VANGL1: variants seen among roughly 807,000 people sequenced by gnomAD.
The protein encoded by VANGL1 is VANGL planar cell polarity protein 1.
In VANGL1, 18 loss-of-function variants were observed where a neutral mutation model predicts 48.4. The ratio of observed to expected loss-of-function variants is 0.37; its 90% CI spans 0.26 to 0.55. The LOEUF (loss-of-function observed/expected upper bound fraction) is 0.55. VANGL1 is among the 20% of genes least tolerant of loss of function. The pLI, the probability that VANGL1 is intolerant of heterozygous loss-of-function variation, is 0.81. For synonymous variants in VANGL1, 257 were observed against 261.8 expected (o/e 0.98, Z 0.18); for missense variants, 667 against 675.8 (o/e 0.99, Z 0.14).
At position 115,694,104 on chromosome 1, in the gene VANGL1, A is replaced by G. The variant is rs959171241; in HGVS notation, c.*2725A>G. Reference sequence around the variant, plus strand: ...GAAGATAGGACAGTTTTTATAGTCCATGAACTGAATGTTAAAAAGTTCTGT... The same window carrying G: ...GAAGATAGGACAGTTTTTATAGTCCGTGAACTGAATGTTAAAAAGTTCTGT... On this transcript the variant is annotated 3_prime_UTR_variant, in exon 8 of 8. Coordinates refer to ENST00000355485, the MANE Select transcript of VANGL1 (RefSeq NM_138959.3). 1 of 152,250 alleles carries G rather than the reference A, an allele frequency of 6.6e-6. No individual in the cohort carries two copies. The highest frequency in any genetic ancestry group is 1.5e-5 in the Non-Finnish European group (1 of 68,046). 9.4% of individuals were successfully genotyped at this position (152,250 alleles called of 1,614,324 possible). A position where few individuals can be genotyped will look rare whatever the true frequency, so the allele number is the denominator to read the frequency against.
rs1653911267 is a variant in VANGL1 at position 115,693,211 on chromosome 1, T to C, written c.*1832T>C. 1 of 152,572 alleles carries C rather than the reference T, an allele frequency of 6.6e-6. No individual in the cohort carries two copies. Among genetic ancestry groups the C allele is most frequent in the Non-Finnish European group, 1.5e-5 (1 of 68,012 alleles). 9.5% of individuals were successfully genotyped at this position (152,572 alleles called of 1,614,324 possible). ...GGAACCATGGTGCTTTTGTTCTTAG[T>C]TTTTGCCGTTAGATCCCTTCAAACT... On this transcript the variant is annotated 3_prime_UTR_variant, in exon 8 of 8. Coordinates refer to ENST00000355485, the MANE Select transcript of VANGL1 (RefSeq NM_138959.3).
intron 3 of VANGL1, among the ~76,000 whole-genome samples, chr1:115,663,444 C>G (rs1652644255): frequency 6.6e-6 from 1 of 152,202 alleles, no homozygotes; most frequent in South Asian, 2.1e-4. Flanking sequence ...ATTATGTTTT[C>G]TCTGTTTGAA....
intron 4 of VANGL1, among the ~76,000 whole-genome samples, chr1:115,674,218 G>A (rs1653084853): frequency 6.6e-6 from 1 of 152,172 alleles, no homozygotes; most frequent in South Asian, 2.1e-4. Context: ...TAACAGCCCA[G>A]CTTTGCCCCC....
chr1:115,679,008 A>G (rs1653274594), intron 4 of VANGL1, among the ~76,000 whole-genome samples: 1 of 151,864 alleles, frequency 6.6e-6, no homozygotes, highest in South Asian at 2.1e-4. Flanking sequence ...TGTCACAACC[A>G]TTTTATTTAA....
chr1:115,680,632 CAG>C (rs1653349197), intron 4 of VANGL1, among the ~76,000 whole-genome samples: 1 of 152,176 alleles, frequency 6.6e-6, no homozygotes. Context: ...GGATATAACT[CAG>C]AAAGTTTTAC....
chr1:115,681,010 A>G (rs1236797873), intron 4 of VANGL1, among the ~76,000 whole-genome samples: 1 of 152,242 alleles, frequency 6.6e-6, no homozygotes, highest in Non-Finnish European at 1.5e-5. Flanking sequence ...ACGCTGTTAC[A>G]CAGAGTCCGC....
chr1:115,645,322 A>G (rs1217935374), intron 1 of VANGL1, among the ~76,000 whole-genome samples: 2 of 152,224 alleles, frequency 1.3e-5, no homozygotes. Context: ...GTTATATGCC[A>G]TACAACCCCT....
chr1:115,647,217 C>T (rs1302388529), intron 1 of VANGL1, among the ~76,000 whole-genome samples: 1 of 151,916 alleles, frequency 6.6e-6, no homozygotes, highest in African/African-American at 2.4e-5. Context: ...GTATGATAGA[C>T]AGTTCCAGGT....
chr1:115,688,114 C>T lies in VANGL1; in HGVS notation c.1314+2587C>T, dbSNP rs1319776341. On this transcript the variant is annotated intron_variant, in intron 7 of 7. Transcript: ENST00000355485. ...TCTCTATACAATGTATATTATCTTT[C>T]TCTATATATATGTAGAGAGATATAG... 1.5e-5 allele frequency among the ~76,000 whole-genome samples: 2 copies of T among 137,558 alleles called. 1 individual carries two copies. Among genetic ancestry groups the T allele is most frequent in the Non-Finnish European group, 3.2e-5 (2 of 63,148 alleles). The allele number at this position is 137,558 out of a possible 152,430, so 90.2% of individuals were successfully genotyped here.
At position 115,684,000 on chromosome 1, in the gene VANGL1, C is replaced by T. The variant is rs756191375; in HGVS notation, c.1003C>T (p.Arg335Cys). The change falls in exon 6 of 8, where the codon CGC becomes TGC. Residue 335 changes from arginine to cysteine, a missense_variant. Arg to Cys is a radical substitution (Grantham distance 180, BLOSUM62 -3). Coordinates refer to ENST00000355485, the MANE Select transcript of VANGL1 (RefSeq NM_138959.3). ...SRAMIAAAAR[R>C]RDSSHNELYY... ...GGCCATGATTGCTGCAGCTGCTCGG[C>T]GCAGGGACTCAAGCCACAACGAGTT... The T allele has an allele frequency of 3.2e-5, 51 of 1,613,922 alleles. No homozygotes were observed. The highest frequency in any genetic ancestry group is 1.2e-4 in the Admixed American group (7 of 60,002).
chr1:115,664,327 G>T (rs1652694665), intron 4 of VANGL1, 59 bp downstream of exon 4: 16 of 1,588,238 alleles, frequency 1.0e-5, no homozygotes, highest in Non-Finnish European at 1.4e-5. Context: ...GGAGACAGCT[G>T]CTCTGTAGCA....
Position 115,664,171 on chromosome 1 carries a change from G to A in VANGL1, c.715G>A (p.Val239Ile), listed in dbSNP as rs121918218. The A allele has an allele frequency of 4.3e-5, 70 of 1,613,950 alleles. No individual in the cohort carries two copies. The highest frequency in any genetic ancestry group is 5.3e-5 in the Non-Finnish European group (63 of 1,179,956). ...CCTCTTCATCCATTACCTGGCCATC[G>A]TCCTGCTGGAGCTCAGGCAGCTGCA... ...ALLFIHYLAI[V>I]LLELRQLQPM... is the part of the protein sequence containing the mutation. Residue 239 changes from valine (V) to isoleucine (I), a missense_variant, in exon 4 of 8, where the codon GTC becomes ATC. By Grantham distance (29) the Val-to-Ile change is conservative. Transcript: ENST00000355485.
At chr1:115,670,485 T>C (rs1248717427) in intron 4 of VANGL1, among the ~76,000 whole-genome samples, 2 of 152,240 alleles carry the variant, frequency 1.3e-5, no homozygotes. Context: ...AGGGAGAGTC[T>C]TCTAGGGATG....
intron 4 of VANGL1, among the ~76,000 whole-genome samples, chr1:115,676,962 T>G (rs1327656026): frequency 1.3e-5 from 2 of 152,156 alleles, no homozygotes; most frequent in East Asian, 3.9e-4. Flanking sequence ...TTTGGAGAAG[T>G]GACTAATTTG....
chr1:115,644,372 A>G (rs1451152193), intron 1 of VANGL1, among the ~76,000 whole-genome samples: 1 of 152,248 alleles, frequency 6.6e-6, no homozygotes, highest in Non-Finnish European at 1.5e-5. Flanking sequence ...CTGTTAGACT[A>G]TTACCATCAT....
chr1:115,658,152 C>T (rs962619531), intron 2 of VANGL1, among the ~76,000 whole-genome samples: 3 of 152,206 alleles, frequency 2.0e-5, no homozygotes, highest in African/African-American at 7.2e-5. Context: ...ATTGTTGTCA[C>T]TGAAAGATTC....
chr1:115,647,767 AG>A lies in VANGL1; in HGVS notation c.-137-3508del, dbSNP rs545001752. Among the ~76,000 whole-genome samples, 21 of 152,284 alleles carry A rather than the reference AG, an allele frequency of 1.4e-4. No individual in the cohort carries two copies. In the East Asian group the frequency reaches 3.9e-3, roughly 28 times the overall value. On this transcript the variant is annotated intron_variant, in intron 1 of 7. Transcript: ENST00000355485. ...GAAGGTGGCACAGGGTTAGATCCTTAGGATGAGGGTATTGCTTTAGCTGAGG... is the reference window on the plus strand; with the variant it reads ...GAAGGTGGCACAGGGTTAGATCCTTAGATGAGGGTATTGCTTTAGCTGAGG...
chr1:115,652,258 C>T (rs1042814824), intron 2 of VANGL1, among the ~76,000 whole-genome samples: 1 of 152,200 alleles, frequency 6.6e-6, no homozygotes, highest in Admixed American at 6.5e-5. Context: ...GGTCAAACTT[C>T]CCCTTCTCTG....
At chr1:115,678,886 G>A (rs571270124) in intron 4 of VANGL1, among the ~76,000 whole-genome samples, 1 of 151,978 alleles carries the variant, frequency 6.6e-6, no homozygotes, top group South Asian at 2.1e-4. Context: ...ACCTGGAGGT[G>A]GAGGTTGCAG....
Sources: allele counts gnomAD v4.1 joint callset (sites outside exome capture counted in the v4.1 genomes callset), GRCh38; gene constraint gnomAD v4.1.1; transcripts MANE v1.5; gene names NCBI Gene and HGNC (gene_info 2026-07-23, HGNC 2026-07-21).